SLX4IP: variants seen among roughly 807,000 people sequenced by gnomAD.
The protein encoded by SLX4IP is SLX4 interacting protein.
In SLX4IP, 34 loss-of-function variants were observed where a neutral mutation model predicts 32.9. The ratio of observed to expected loss-of-function variants is 1.03; its 90% CI spans 0.79 to 1.38. The LOEUF (loss-of-function observed/expected upper bound fraction) is 1.38. SLX4IP is among the 40% of genes most tolerant of loss of function. The pLI, the probability that SLX4IP is intolerant of heterozygous loss-of-function variation, is 0.00. For missense variants in SLX4IP, 444 were observed against 479.0 expected (o/e 0.93, Z 0.68); for synonymous variants, 172 against 171.7 (o/e 1.00, Z -0.01).
At chr20:10,469,634 T>C (rs1212941204) in intron 2 of SLX4IP, among the ~76,000 whole-genome samples, 1 of 152,212 alleles carries the variant, frequency 6.6e-6, no homozygotes, top group East Asian at 1.9e-4. Context: ...AAAAGTAAAC[T>C]CAGGATCTCT....
At position 10,625,236 on chromosome 20, in the gene SLX4IP, G is replaced by A. The variant is rs901694506; in HGVS notation, c.*1857G>A. The A allele has an allele frequency of 2.0e-5, 3 of 152,188 alleles. No individual in the cohort carries two copies. The highest frequency in any genetic ancestry group is 4.4e-5 in the Non-Finnish European group (3 of 68,046). 9.4% of individuals were successfully genotyped at this position (152,188 alleles called of 1,614,324 possible). A position where few individuals can be genotyped will look rare whatever the true frequency, so the allele number is the denominator to read the frequency against. On this transcript the variant is annotated 3_prime_UTR_variant, in exon 8 of 8. Coordinates refer to ENST00000334534, the MANE Select transcript of SLX4IP (RefSeq NM_001009608.3). The stretch of plus-strand genomic sequence containing the variant: ...TAGGTGTGCTCTTTATTGAACACAG[G>A]ACCACAGTGTGTCACTGAATCTTCT...
chr20:10,539,415 G>A (rs190092064), intron 2 of SLX4IP, among the ~76,000 whole-genome samples: 31 of 152,206 alleles, frequency 2.0e-4, no homozygotes, highest in African/African-American at 7.5e-4. Flanking sequence ...TAGTAAATCT[G>A]TAGGGAATCC....
chr20:10,518,371 CTCT>C (rs2065868369), intron 2 of SLX4IP, among the ~76,000 whole-genome samples: 1 of 106,106 alleles, frequency 9.4e-6, no homozygotes, highest in Non-Finnish European at 2.4e-5. Flanking sequence ...TTCTTTCTCT[CTCT>C]CTTTCTTTCC....
chr20:10,441,705 G>T (rs2026316), intron 1 of SLX4IP, among the ~76,000 whole-genome samples: 74,931 of 151,518 alleles, frequency 0.49, 19,861 homozygotes, highest in Non-Finnish European at 0.6. Context: ...CCTCTTTCCA[G>T]TGTTGAATCT....
At chr20:10,504,573 A>T (rs1303163153) in intron 2 of SLX4IP, among the ~76,000 whole-genome samples, 1 of 152,144 alleles carries the variant, frequency 6.6e-6, no homozygotes, top group Non-Finnish European at 1.5e-5. Flanking sequence ...GAGGCCCATG[A>T]ATTTCTGCAC....
At chr20:10,572,086 A>C (rs2066473358) in intron 4 of SLX4IP, among the ~76,000 whole-genome samples, 2 of 152,230 alleles carry the variant, frequency 1.3e-5, no homozygotes, top group South Asian at 4.1e-4. Flanking sequence ...CCACCTACCC[A>C]TGGCAGATCC....
At chr20:10,442,043 C>T (rs1006669771) in intron 1 of SLX4IP, among the ~76,000 whole-genome samples, 5 of 152,090 alleles carry the variant, frequency 3.3e-5, no homozygotes, top group Non-Finnish European at 5.9e-5. Flanking sequence ...TGTTTCTGTT[C>T]CCATAACTAA....
chr20:10,478,102 T>C (rs1208960916), intron 2 of SLX4IP, among the ~76,000 whole-genome samples: 3 of 152,048 alleles, frequency 2.0e-5, no homozygotes, highest in Non-Finnish European at 4.4e-5. Context: ...TTTCACCGTG[T>C]TGCCCAGGCT....
chr20:10,547,213 TCTC>T lies in SLX4IP; in HGVS notation c.28-9012_28-9010del, dbSNP rs2066171273. ...GACATCACAGCCTCTTATTTGATTT[TCTC>T]CTCCTTTTAGAAGCTGCTGTCAAAG... On this transcript the variant is annotated intron_variant, in intron 2 of 7. Coordinates refer to ENST00000334534, the MANE Select transcript of SLX4IP (RefSeq NM_001009608.3). Among the ~76,000 whole-genome samples the T allele has an allele frequency of 2.6e-5, 4 of 152,354 alleles. No individual in the cohort carries two copies. The South Asian group carries it at 8.3e-4, about 32-fold the overall frequency.
intron 2 of SLX4IP, among the ~76,000 whole-genome samples, chr20:10,499,029 C>T (rs1600932824): frequency 6.6e-6 from 1 of 152,048 alleles, no homozygotes; most frequent in African/African-American, 2.4e-5. Flanking sequence ...TATCTCTACT[C>T]CCTACTTTGT....
intron 6 of SLX4IP, among the ~76,000 whole-genome samples, chr20:10,604,610 G>C (rs1413686108): frequency 4.6e-5 from 7 of 152,358 alleles, no homozygotes; most frequent in African/African-American, 1.7e-4. Flanking sequence ...TTACGGAGCA[G>C]AGCGAATGCA....
intron 6 of SLX4IP, chr20:10,613,159 A>G (rs1250774454): frequency 4.2e-6 from 2 of 473,544 alleles, no homozygotes; most frequent in Non-Finnish European, 7.7e-6. Context: ...AGATCCATGG[A>G]GGCAAGTGCT....
chr20:10,605,911 A>G (rs1307087046), intron 6 of SLX4IP, among the ~76,000 whole-genome samples: 2 of 152,150 alleles, frequency 1.3e-5, no homozygotes, highest in African/African-American at 4.8e-5. Context: ...ACAAAATTGA[A>G]GTGAAAATGA....
chr20:10,567,082 T>A (rs1208305291), intron 4 of SLX4IP, among the ~76,000 whole-genome samples: 1 of 152,184 alleles, frequency 6.6e-6, no homozygotes, highest in Non-Finnish European at 1.5e-5. Context: ...TTGGGTAGGT[T>A]AAGTCTGTGT....
intron 2 of SLX4IP, among the ~76,000 whole-genome samples, chr20:10,510,597 A>T (rs1477747580): frequency 5.2e-5 from 7 of 134,850 alleles, no homozygotes; most frequent in Non-Finnish European, 6.4e-5. Context: ...TATTATTATT[A>T]TTATTTTTAT....
In SLX4IP at chr20:10,623,164, G is replaced by C; in HGVS notation, c.1012G>C (p.Glu338Gln). 4 of 1,614,224 alleles carry C rather than the reference G, an allele frequency of 2.5e-6. No homozygotes were observed. The highest frequency in any genetic ancestry group is 3.4e-6 in the Non-Finnish European group (4 of 1,180,050). Residue 338 changes from glutamate to glutamine, a missense_variant, in exon 8 of 8, where the codon GAG becomes CAG. Coordinates refer to ENST00000334534, the MANE Select transcript of SLX4IP (RefSeq NM_001009608.3). ...AGCTGTCAGGGTTTTGCCAGCTTCA[G>C]AGTTGTCAGATCCAGGGTTACTTTT... ...SKAVRVLPAS[E>Q]LSDPGLLLKQ...
intron 2 of SLX4IP, among the ~76,000 whole-genome samples, chr20:10,493,859 C>CTT (rs58299545): frequency 0.019 from 1,307 of 70,484 alleles, 61 homozygotes; most frequent in Middle Eastern, 0.042. Context: ...TTATAGTTGC[C>CTT]TTTTTTTTTT....
chr20:10,606,669 T>G (rs1007759229), intron 6 of SLX4IP, among the ~76,000 whole-genome samples: 4 of 152,166 alleles, frequency 2.6e-5, no homozygotes, highest in African/African-American at 9.6e-5. Flanking sequence ...AAAAAAGCTT[T>G]TAATCCAAAT....
At chr20:10,606,115 T>A (rs755354009) in intron 6 of SLX4IP, among the ~76,000 whole-genome samples, 2 of 152,126 alleles carry the variant, frequency 1.3e-5, no homozygotes, top group Non-Finnish European at 2.9e-5. Context: ...CAAATAAAAC[T>A]GTAGCTAAAT....
Sources: gnomAD v4.1 joint callset for allele counts (sites outside exome capture counted in the v4.1 genomes callset) on GRCh38, gnomAD v4.1.1 for gene constraint, MANE v1.5 for transcripts, NCBI Gene and HGNC (gene_info 2026-07-23, HGNC 2026-07-21) for gene names.